Variants in SLCO2A1 observed in about 807,000 individuals in gnomAD.
The protein encoded by SLCO2A1 is solute carrier organic anion transporter family member 2A1.
A neutral mutation model predicts 71.7 loss-of-function variants in SLCO2A1; 60 were observed. The observed-to-expected ratio is 0.84, with a 90% confidence interval of 0.68 to 1.04. SLCO2A1 has a LOEUF of 1.04. Among genes scored for constraint, SLCO2A1 ranks in the 50% least tolerant of loss-of-function variants. SLCO2A1 has a pLI of 0.00. For missense variants in SLCO2A1, 745 were observed against 813.4 expected (o/e 0.92, Z 1.02); for synonymous variants, 308 against 326.7 (o/e 0.94, Z 0.62).
intron 1 of SLCO2A1, among the ~76,000 whole-genome samples, chr3:134,005,625 G>T (rs1388823712): frequency 4.0e-5 from 6 of 151,816 alleles, no homozygotes; most frequent in African/African-American, 1.2e-4. Flanking sequence ...GGGACTACAG[G>T]CGCCTGCCAC....
chr3:133,983,903 G>A (rs907819515), intron 1 of SLCO2A1, among the ~76,000 whole-genome samples: 1 of 152,162 alleles, frequency 6.6e-6, no homozygotes, highest in African/African-American at 2.4e-5. Context: ...GCTTGACACC[G>A]CTGTCACCGA....
intron 1 of SLCO2A1, among the ~76,000 whole-genome samples, chr3:133,981,974 C>CAAAAA (rs34863339): frequency 5.5e-5 from 6 of 109,792 alleles, no homozygotes; most frequent in African/African-American, 2.3e-4. Flanking sequence ...GACTCCGTCT[C>CAAAAA]AAAAAAAAAA....
intron 1 of SLCO2A1, 34 bp downstream of exon 1, chr3:134,029,673 C>G: frequency 6.5e-7 from 1 of 1,529,280 alleles, no homozygotes; most frequent in Non-Finnish European, 8.8e-7. Flanking sequence ...CCAGGCGCGG[C>G]TCCGGCCCGG....
At chr3:133,986,882 T>C (rs1477147253) in intron 1 of SLCO2A1, among the ~76,000 whole-genome samples, 1 of 152,198 alleles carries the variant, frequency 6.6e-6, no homozygotes, top group East Asian at 1.9e-4. Flanking sequence ...TACATGTTCA[T>C]GCCTCTCTTT....
At chr3:134,016,510 G>A (rs528250225) in intron 1 of SLCO2A1, among the ~76,000 whole-genome samples, 8 of 152,198 alleles carry the variant, frequency 5.3e-5, no homozygotes, top group African/African-American at 7.2e-5. Flanking sequence ...TATTAGAATC[G>A]CTAAAATAAA....
intron 1 of SLCO2A1, among the ~76,000 whole-genome samples, chr3:133,996,772 C>A (rs1934975308): frequency 6.6e-6 from 1 of 152,108 alleles, no homozygotes; most frequent in African/African-American, 2.4e-5. Flanking sequence ...CTTTGGCAGC[C>A]AGGATAAAGT....
chr3:133,982,709 C>T (rs1934622046), intron 1 of SLCO2A1, among the ~76,000 whole-genome samples: 1 of 152,090 alleles, frequency 6.6e-6, no homozygotes, highest in East Asian at 1.9e-4. Flanking sequence ...TGGTGTAAGC[C>T]TTGGCTCAGG....
At chr3:133,971,311 C>T (rs1196348197) in intron 3 of SLCO2A1, among the ~76,000 whole-genome samples, 4 of 152,266 alleles carry the variant, frequency 2.6e-5, no homozygotes, top group African/African-American at 7.2e-5. Flanking sequence ...CTCAAGCTCT[C>T]ATTAGACCAA....
chr3:133,935,473 C>A (rs1350076582), intron 13 of SLCO2A1, among the ~76,000 whole-genome samples: 1 of 152,214 alleles, frequency 6.6e-6, no homozygotes, highest in Non-Finnish European at 1.5e-5. Context: ...CTCCAGCCAT[C>A]CCCGCCCCTT....
At chr3:133,939,095 C>T (rs1933348845) in intron 11 of SLCO2A1, among the ~76,000 whole-genome samples, 1 of 152,184 alleles carries the variant, frequency 6.6e-6, no homozygotes, top group East Asian at 1.9e-4. Context: ...CAGAAAGGTC[C>T]CATGTTTGGC....
At chr3:133,936,486 A>AC (rs1933273704) in intron 12 of SLCO2A1, among the ~76,000 whole-genome samples, 1 of 152,056 alleles carries the variant, frequency 6.6e-6, no homozygotes, top group Non-Finnish European at 1.5e-5. Flanking sequence ...CTGCTCTGGG[A>AC]CCCCGAACTT....
chr3:133,939,120 C>T (rs1229382597), intron 11 of SLCO2A1, among the ~76,000 whole-genome samples: 3 of 152,226 alleles, frequency 2.0e-5, no homozygotes, highest in Non-Finnish European at 4.4e-5. Context: ...TGCTCTGCTG[C>T]AGCTGTCTGG....
intron 1 of SLCO2A1, among the ~76,000 whole-genome samples, chr3:134,011,392 G>A (rs1404116484): frequency 6.6e-6 from 1 of 152,254 alleles, no homozygotes; most frequent in Non-Finnish European, 1.5e-5. Flanking sequence ...CCATGATGTG[G>A]GAGTCCTGGG....
rs916747523 is a variant in SLCO2A1, at chr3:133,957,786, G to A, written c.398-2593C>T. 5.3e-5 allele frequency among the ~76,000 whole-genome samples: 8 copies of A among 152,268 alleles called. No individual in the cohort carries two copies. In the East Asian group the frequency reaches 1.4e-3, roughly 26 times the overall value. On this transcript the variant is annotated intron_variant, in intron 3 of 13. Coordinates refer to ENST00000310926, the MANE Select transcript of SLCO2A1 (RefSeq NM_005630.3). ...TTTATCCCTAGGTAAGATAAAAATTGGTTTTATCCCTATGTATTCTTGAGC... is the reference window on the plus strand; with the variant it reads ...TTTATCCCTAGGTAAGATAAAAATTAGTTTTATCCCTATGTATTCTTGAGC...
intron 1 of SLCO2A1, among the ~76,000 whole-genome samples, chr3:133,980,846 G>C (rs946403249): frequency 6.6e-6 from 1 of 152,116 alleles, no homozygotes; most frequent in African/African-American, 2.4e-5. Context: ...TCCAGGTCTG[G>C]AGAGGTCTTT....
In SLCO2A1 at chr3:133,945,259, T is replaced by C. The variant is rs772035055; in HGVS notation, c.1297A>G (p.Thr433Ala). ...GACTGCGGATGTATAGAACTTGATG[T>C]GCTGCCAGCAAAAGAGGAAACGGGG... ...PTVAEVYPPS[T>A]SSSIHPQSPA... Residue 433 changes from threonine (T) to alanine (A), a missense_variant and splice_region_variant, in exon 10 of 14, where the codon ACA becomes GCA. Coordinates refer to ENST00000310926, the MANE Select transcript of SLCO2A1 (RefSeq NM_005630.3). 1.6e-5 allele frequency: 25 copies of C among 1,600,686 alleles called. No individual in the cohort carries two copies. In the East Asian group the frequency reaches 3.6e-4, roughly 23 times the overall value.
At chr3:133,992,867 C>T (rs1008959448) in intron 1 of SLCO2A1, among the ~76,000 whole-genome samples, 5 of 152,174 alleles carry the variant, frequency 3.3e-5, no homozygotes, top group Admixed American at 2.6e-4. Flanking sequence ...ATCTTCAATC[C>T]GTTCGTGCAA....
intron 6 of SLCO2A1, 120 bp downstream of exon 6, chr3:133,951,085 TTTG>T (rs1307587591): frequency 7.5e-6 from 10 of 1,329,222 alleles, no homozygotes; most frequent in Non-Finnish European, 1.1e-5. Context: ...CATCATGAAA[TTTG>T]TTTAGATTTC....
intron 1 of SLCO2A1, among the ~76,000 whole-genome samples, chr3:134,013,454 A>G (rs6799258): frequency 0.53 from 80,866 of 151,970 alleles, 22,805 homozygotes; most frequent in South Asian, 0.68. Flanking sequence ...TTTGCCCCCC[A>G]CCAACAGGGC....
Sources: gnomAD v4.1 joint callset for allele counts (sites outside exome capture counted in the v4.1 genomes callset) on GRCh38, gnomAD v4.1.1 for gene constraint, MANE v1.5 for transcripts, NCBI Gene and HGNC (gene_info 2026-07-23, HGNC 2026-07-21) for gene names.